PTPRM: variants seen among roughly 807,000 people sequenced by gnomAD.
The protein encoded by PTPRM is protein tyrosine phosphatase receptor type M.
PTPRM carries 47 observed loss-of-function variants against 186.7 expected under a neutral mutation model. The ratio of observed to expected loss-of-function variants is 0.25; its 90% CI spans 0.20 to 0.32. PTPRM has a LOEUF of 0.32. Among genes scored for constraint, PTPRM ranks in the 10% least tolerant of loss-of-function variants. The pLI, the probability that PTPRM is intolerant of heterozygous loss-of-function variation, is 1.00. For missense variants in PTPRM, 1,494 were observed against 1,865.0 expected, an observed-to-expected ratio of 0.80 and a Z score of 3.66; for synonymous variants, 668 against 674.9, an observed-to-expected ratio of 0.99 and a Z score of 0.16.
At chr18:8,400,382 A>G (rs945940081) in intron 32 of PTPRM, among the ~76,000 whole-genome samples, 3 of 152,212 alleles carry the variant, frequency 2.0e-5, no homozygotes, top group Non-Finnish European at 4.4e-5. Flanking sequence ...ACGCAGTATC[A>G]GCCCAGGCTG....
intron 14 of PTPRM, among the ~76,000 whole-genome samples, chr18:8,145,840 A>G (rs750642248): frequency 1.2e-4 from 18 of 152,196 alleles, no homozygotes; most frequent in Non-Finnish European, 2.5e-4. Context: ...TCCTTTGGGT[A>G]TATTCCCAGT....
intron 14 of PTPRM, among the ~76,000 whole-genome samples, chr18:8,243,374 T>C (rs777270505): frequency 4.6e-5 from 7 of 152,186 alleles, no homozygotes; most frequent in South Asian, 2.1e-4. Flanking sequence ...TTCTGCTCTG[T>C]AGGGGTTGAC....
At chr18:7,763,821 A>C (rs1043935956) in intron 1 of PTPRM, among the ~76,000 whole-genome samples, 3 of 152,178 alleles carry the variant, frequency 2.0e-5, no homozygotes, top group Admixed American at 6.5e-5. Context: ...GTTTGGCTGT[A>C]CTGCATATTG....
chr18:8,009,308 T>G (rs1292927642), intron 7 of PTPRM, among the ~76,000 whole-genome samples: 1 of 150,288 alleles, frequency 6.7e-6, no homozygotes, highest in Non-Finnish European at 1.5e-5. Context: ...AGTTATACCT[T>G]ATTGGCTTCC....
At chr18:8,139,125 A>C (rs1372876136) in intron 13 of PTPRM, among the ~76,000 whole-genome samples, 1 of 152,098 alleles carries the variant, frequency 6.6e-6, no homozygotes, top group African/African-American at 2.4e-5. Context: ...TTGTATGTCA[A>C]ATATCTCAAA....
At chr18:7,995,419 C>T (rs1468504441) in intron 7 of PTPRM, among the ~76,000 whole-genome samples, 1 of 152,100 alleles carries the variant, frequency 6.6e-6, no homozygotes, top group East Asian at 1.9e-4. Flanking sequence ...CTTCCTAACT[C>T]ATTGTAATAG....
intron 2 of PTPRM, among the ~76,000 whole-genome samples, chr18:7,806,648 AG>A (rs2044251422): frequency 6.6e-6 from 1 of 152,244 alleles, no homozygotes; most frequent in Non-Finnish European, 1.5e-5. Flanking sequence ...CTGTGGCCAG[AG>A]ACTCTGGCCG....
chr18:7,855,186 C>T (rs1335204195), intron 2 of PTPRM, among the ~76,000 whole-genome samples: 1 of 152,144 alleles, frequency 6.6e-6, no homozygotes, highest in Non-Finnish European at 1.5e-5. Flanking sequence ...TACACTCTTA[C>T]ATTGTTATTA....
chr18:7,698,264 A>G (rs1466143789), intron 1 of PTPRM, among the ~76,000 whole-genome samples: 2 of 152,190 alleles, frequency 1.3e-5, no homozygotes, highest in East Asian at 3.9e-4. Flanking sequence ...CTGAATATCT[A>G]GCAATAGACA....
intron 14 of PTPRM, among the ~76,000 whole-genome samples, chr18:8,199,293 G>A (rs79024421): frequency 0.011 from 1,682 of 152,264 alleles, 15 homozygotes; most frequent in Admixed American, 0.02. Flanking sequence ...CAAGGTAACA[G>A]ATGCAGTGAT....
chr18:8,083,993 A>G (rs2090294289), intron 9 of PTPRM, among the ~76,000 whole-genome samples: 1 of 152,154 alleles, frequency 6.6e-6, no homozygotes, highest in Admixed American at 6.5e-5. Context: ...TAAGGTTTCT[A>G]GACAGGCAAT....
intron 2 of PTPRM, among the ~76,000 whole-genome samples, chr18:7,878,555 T>G (rs967488069): frequency 1.3e-5 from 2 of 152,206 alleles, no homozygotes; most frequent in Non-Finnish European, 2.9e-5. Context: ...TTAGCAAGCT[T>G]CTTCTGAGTA....
At chr18:8,380,567 G>T in intron 29 of PTPRM, 140 bp downstream of exon 29, 2 of 981,698 alleles carry the variant, frequency 2.0e-6, no homozygotes, top group Non-Finnish European at 3.0e-6. Context: ...TGGGGATGCT[G>T]AACACAACGG....
At chr18:7,951,726 G>A (rs12960276) in intron 6 of PTPRM, among the ~76,000 whole-genome samples, 21,574 of 152,032 alleles carry the variant, frequency 0.14, 1,804 homozygotes, top group Non-Finnish European at 0.19. Flanking sequence ...GCCATATTTT[G>A]TATATAGATA....
chr18:7,844,937 T>C (rs991940054), intron 2 of PTPRM, among the ~76,000 whole-genome samples: 3 of 152,140 alleles, frequency 2.0e-5, no homozygotes, highest in African/African-American at 7.2e-5. Flanking sequence ...CATTCATCAA[T>C]CTCTTTGATG....
chr18:7,728,643 G>A (rs140203270), intron 1 of PTPRM, among the ~76,000 whole-genome samples: 106 of 152,344 alleles, frequency 7.0e-4, no homozygotes, highest in Admixed American at 2.0e-3. Flanking sequence ...TGGGTCTTGG[G>A]TTTCATCTGA....
At chr18:8,321,690 C>A (rs1423235326) in intron 22 of PTPRM, among the ~76,000 whole-genome samples, 6 of 152,326 alleles carry the variant, frequency 3.9e-5, no homozygotes, top group Admixed American at 6.5e-5. Flanking sequence ...ACAAGGTGGG[C>A]TGCAGATTGG....
At chr18:7,743,970 G>C (rs756914896) in intron 1 of PTPRM, among the ~76,000 whole-genome samples, 1 of 152,106 alleles carries the variant, frequency 6.6e-6, no homozygotes. Context: ...ATGAAATCAG[G>C]CTTCTGACTT....
intron 14 of PTPRM, among the ~76,000 whole-genome samples, chr18:8,239,207 CATTGTTCATTTCCCACCT>C (rs1365755048): frequency 7.3e-6 from 1 of 137,368 alleles, no homozygotes; most frequent in African/African-American, 2.7e-5. Flanking sequence ...CATGTGTTCT[CATTGTTCATTTCCCACCT>C]ATGAGTGAGA....
Sources: allele counts gnomAD v4.1 joint callset (sites outside exome capture counted in the v4.1 genomes callset), GRCh38; gene constraint gnomAD v4.1.1; transcripts MANE v1.5; gene names NCBI Gene and HGNC (gene_info 2026-07-23, HGNC 2026-07-21).